Variants in CAST observed in about 807,000 individuals in gnomAD.
CAST encodes calpastatin.
CAST carries 76 observed loss-of-function variants against 119.6 expected under a neutral mutation model. That is an observed-to-expected ratio of 0.64 (90% confidence interval 0.53 to 0.77). CAST has a LOEUF of 0.77. CAST is among the 30% of genes least tolerant of loss of function. The probability of loss-of-function intolerance (pLI) is 0.00; values close to 1 mark genes in which losing one functional copy is unlikely to be tolerated. For synonymous variants in CAST, 319 were observed against 331.6 expected (o/e 0.96, Z 0.41); for missense variants, 953 against 946.5 (o/e 1.01, Z -0.09).
chr5:96,627,063 AC>A (rs1271464002), intron 1 of CAST, among the ~76,000 whole-genome samples: 2 of 152,214 alleles, frequency 1.3e-5, no homozygotes, highest in Non-Finnish European at 2.9e-5. Context: ...GGGAACAGCT[AC>A]ATGTCAAGGT....
chr5:96,321,155 T>C, the CAST span, among the ~76,000 whole-genome samples: 1 of 152,120 alleles, frequency 6.6e-6, no homozygotes, highest in Non-Finnish European at 1.5e-5. Flanking sequence ...ACCTCGGCCC[T>C]AGTGACATTT....
intron 1 of CAST, among the ~76,000 whole-genome samples, chr5:96,672,300 T>A (rs187196084): frequency 2.6e-5 from 4 of 152,312 alleles, no homozygotes; most frequent in African/African-American, 9.6e-5. Context: ...GGGCAAAATA[T>A]GGCAACAATG....
intron 1 of CAST, among the ~76,000 whole-genome samples, chr5:96,646,975 G>A (rs1748021766): frequency 6.6e-6 from 1 of 152,158 alleles, no homozygotes. Context: ...CAAATGAAAA[G>A]TTGTAATGAA....
At chr5:96,318,943 G>A in the CAST span, 8 of 152,196 alleles carry the variant, frequency 5.3e-5, no homozygotes, top group Non-Finnish European at 1.0e-4. Context: ...CTATGAGGTA[G>A]TGTGTTAGTA....
the CAST span, among the ~76,000 whole-genome samples, chr5:96,324,111 C>T: frequency 1.3e-5 from 2 of 152,148 alleles, no homozygotes; most frequent in Non-Finnish European, 2.9e-5. Context: ...AAAAATAGCC[C>T]ATATCTTATT....
the CAST span, among the ~76,000 whole-genome samples, chr5:96,367,833 G>T: frequency 6.6e-6 from 1 of 151,864 alleles, no homozygotes; most frequent in Non-Finnish European, 1.5e-5. Context: ...CCTCTATCCT[G>T]CACCCACTGT....
the CAST span, among the ~76,000 whole-genome samples, chr5:95,995,443 G>C: frequency 2.6e-5 from 4 of 152,136 alleles, no homozygotes; most frequent in Non-Finnish European, 5.9e-5. Flanking sequence ...TGGTAAGCCT[G>C]CCAAGTTGCC....
the CAST span, among the ~76,000 whole-genome samples, chr5:96,058,090 G>A: frequency 6.6e-6 from 1 of 152,190 alleles, no homozygotes; most frequent in East Asian, 1.9e-4. Context: ...TGTGTGTAAT[G>A]TGTATTTGTA....
intron 3 of CAST, among the ~76,000 whole-genome samples, chr5:96,719,982 T>C (rs1255655505): frequency 6.6e-6 from 1 of 152,234 alleles, no homozygotes; most frequent in East Asian, 1.9e-4. Flanking sequence ...TACATTCTCA[T>C]GGAACCCTGT....
At position 96,567,682 on chromosome 5, in the gene CAST, T is replaced by G. The variant is rs191424549; in HGVS notation, c.60+37802T>G. Among the ~76,000 whole-genome samples, 5 of 152,332 alleles carry G rather than the reference T, an allele frequency of 3.3e-5. No homozygotes were observed. The East Asian group carries it at 9.7e-4, about 29-fold the overall frequency. On this transcript the variant is annotated intron_variant, in intron 1 of 11. Transcript: ENST00000505143. ...TGAGATCAGGCTTCCCGTTCTTTTC[T>G]TCTTTTCATGTATAGATGCCCATAG...
the CAST span, among the ~76,000 whole-genome samples, chr5:96,107,514 T>C: frequency 6.6e-6 from 1 of 152,148 alleles, no homozygotes; most frequent in Non-Finnish European, 1.5e-5. Flanking sequence ...AAATTCTGGG[T>C]TGAAAATTCT....
the CAST span, among the ~76,000 whole-genome samples, chr5:96,434,607 G>GC: frequency 4.1e-5 from 6 of 147,308 alleles, no homozygotes; most frequent in Non-Finnish European, 9.0e-5. Flanking sequence ...TGGGAAGTTT[G>GC]TTTTTTTTTT....
the CAST span, among the ~76,000 whole-genome samples, chr5:96,067,554 G>C: frequency 3.3e-5 from 5 of 152,160 alleles, no homozygotes; most frequent in Non-Finnish European, 7.4e-5. Context: ...TTTCTGATTT[G>C]CTAGACTAGG....
the CAST span, among the ~76,000 whole-genome samples, chr5:95,987,927 A>G: frequency 6.6e-6 from 1 of 152,238 alleles, no homozygotes; most frequent in African/African-American, 2.4e-5. Flanking sequence ...GACAGCAGAG[A>G]TATCAAATGT....
At chr5:96,740,209 A>T (rs1412175312) in intron 12 of CAST, 91 bp downstream of exon 12, 1 of 669,764 alleles carries the variant, frequency 1.5e-6, no homozygotes, top group Non-Finnish European at 2.6e-6. Flanking sequence ...AGAAGTTAGA[A>T]AATATAATGG....
At chr5:96,400,003 G>A in the CAST span, 17 of 1,614,034 alleles carry the variant, frequency 1.1e-5, no homozygotes, top group Admixed American at 5.0e-5. Context: ...TCTCAGGCAC[G>A]CTCCTCCAGG....
chr5:96,579,757 G>T (rs1306656013), intron 1 of CAST, among the ~76,000 whole-genome samples: 2 of 152,202 alleles, frequency 1.3e-5, no homozygotes, highest in East Asian at 3.8e-4. Context: ...GGCAGAACAG[G>T]AAGAAACAAA....
chr5:96,314,611 C>T, the CAST span, among the ~76,000 whole-genome samples: 1 of 152,126 alleles, frequency 6.6e-6, no homozygotes, highest in South Asian at 2.1e-4. Flanking sequence ...CTTTGGCTTC[C>T]TTTTCTGCCT....
chr5:96,399,057 G>C, the CAST span: 1 of 1,575,196 alleles, frequency 6.3e-7, no homozygotes, highest in Non-Finnish European at 8.7e-7. Flanking sequence ...TAAAGAATCA[G>C]CATTGAATAA....
Sources: gnomAD v4.1 joint callset for allele counts (sites outside exome capture counted in the v4.1 genomes callset) on GRCh38, gnomAD v4.1.1 for gene constraint, MANE v1.5 for transcripts, NCBI Gene and HGNC (gene_info 2026-07-23, HGNC 2026-07-21) for gene names.